The following SLC22A23 variants were observed in gnomAD, a reference collection of about 807,000 sequenced individuals.
SLC22A23 encodes the protein ion transporter protein.
SLC22A23 carries 26 observed loss-of-function variants against 61.0 expected under a neutral mutation model. That is an observed-to-expected ratio of 0.43 (90% CI 0.31 to 0.59). The LOEUF is 0.59. SLC22A23 is among the 20% of genes least tolerant of loss of function. The pLI, the probability that SLC22A23 is intolerant of heterozygous loss-of-function variation, is 0.11. For synonymous variants in SLC22A23, 430 were observed against 413.9 expected (o/e 1.04, Z -0.47); for missense variants, 796 against 934.7 (o/e 0.85, Z 1.94).
chr6:3,428,697 G>T (rs1363369312), intron 1 of SLC22A23, among the ~76,000 whole-genome samples: 1 of 152,078 alleles, frequency 6.6e-6, no homozygotes, highest in Non-Finnish European at 1.5e-5. Context: ...TAAAATTAAC[G>T]ATCCAATAAG....
chr6:3,339,226 C>A (rs1471176491), intron 3 of SLC22A23, among the ~76,000 whole-genome samples: 1 of 152,196 alleles, frequency 6.6e-6, no homozygotes, highest in South Asian at 2.1e-4. Context: ...AAACAGTGTG[C>A]TTTCCCCCAC....
At chr6:3,442,496 G>A (rs772352697) in intron 1 of SLC22A23, among the ~76,000 whole-genome samples, 8 of 152,182 alleles carry the variant, frequency 5.3e-5, no homozygotes, top group African/African-American at 1.9e-4. Context: ...TACTGCAGAC[G>A]CTAAAGTATA....
intron 1 of SLC22A23, among the ~76,000 whole-genome samples, chr6:3,440,681 T>G (rs1427472138): frequency 5.0e-4 from 69 of 138,608 alleles, no homozygotes; most frequent in African/African-American, 1.9e-3. Flanking sequence ...CACTCTAGCC[T>G]GGGCAACAGA....
chr6:3,279,095 T>G (rs1432719349), intron 9 of SLC22A23, among the ~76,000 whole-genome samples: 1 of 152,232 alleles, frequency 6.6e-6, no homozygotes, highest in Non-Finnish European at 1.5e-5. Flanking sequence ...TGCAGATCAT[T>G]AGAAAAATGT....
intron 3 of SLC22A23, among the ~76,000 whole-genome samples, chr6:3,358,750 AAAAAT>A (rs1035332033): frequency 6.6e-6 from 1 of 152,210 alleles, no homozygotes; most frequent in African/African-American, 2.4e-5. Context: ...AATAAAATTA[AAAAAT>A]AAAATAAAAA....
intron 4 of SLC22A23, among the ~76,000 whole-genome samples, chr6:3,321,688 C>T (rs1312712433): frequency 6.6e-6 from 1 of 152,196 alleles, no homozygotes; most frequent in Non-Finnish European, 1.5e-5. Flanking sequence ...GTCAGGTGCA[C>T]TCCTGCCTGG....
rs924079677 is a variant in SLC22A23 at position 3,309,421 on chromosome 6, C to T, written c.1083-11203G>A. 1.3e-5 allele frequency among the ~76,000 whole-genome samples: 2 copies of T among 152,220 alleles called. No homozygotes were observed. Among genetic ancestry groups the T allele is most frequent in the Non-Finnish European group, 2.9e-5 (2 of 68,050 alleles). ...AACACAGACTTGCTTCACAGAGGCGCGCCCAGGGTCTTCAGACAACTGAAT... is the reference window on the plus strand; with the variant it reads ...AACACAGACTTGCTTCACAGAGGCGTGCCCAGGGTCTTCAGACAACTGAAT... On this transcript the variant is annotated intron_variant, in intron 4 of 9. Coordinates refer to ENST00000406686, the MANE Select transcript of SLC22A23 (RefSeq NM_015482.2). This position sits in a 1 kb window ranked among gnomAD's most constrained non-coding sequence, Gnocchi z 4.7.
chr6:3,441,688 C>T (rs763140738), intron 1 of SLC22A23, among the ~76,000 whole-genome samples: 30 of 152,196 alleles, frequency 2.0e-4, no homozygotes, highest in Non-Finnish European at 3.4e-4. Flanking sequence ...CACCTGCCCT[C>T]CTGGGATGTG....
At chr6:3,433,376 A>G (rs1476337034) in intron 1 of SLC22A23, among the ~76,000 whole-genome samples, 1 of 151,810 alleles carries the variant, frequency 6.6e-6, no homozygotes, top group Non-Finnish European at 1.5e-5. Context: ...AGGGGCCACA[A>G]CTCTCTAGGG....
At chr6:3,345,762 T>C (rs1764399457) in intron 3 of SLC22A23, among the ~76,000 whole-genome samples, 1 of 152,216 alleles carries the variant, frequency 6.6e-6, no homozygotes, top group Admixed American at 6.5e-5. Context: ...GATGGTCAAA[T>C]GCTTGTTGAC....
intron 4 of SLC22A23, among the ~76,000 whole-genome samples, chr6:3,300,558 C>A (rs564098133): frequency 1.3e-5 from 2 of 152,220 alleles, no homozygotes; most frequent in African/African-American, 4.8e-5. Flanking sequence ...TCTGCTGGTG[C>A]CTTAATCCTG....
chr6:3,374,579 G>A (rs1344968512), intron 3 of SLC22A23, among the ~76,000 whole-genome samples: 1 of 152,216 alleles, frequency 6.6e-6, no homozygotes, highest in East Asian at 1.9e-4. Context: ...AAACTATGAT[G>A]ACCCTTAAGT....
intron 1 of SLC22A23, among the ~76,000 whole-genome samples, chr6:3,433,535 C>T (rs778912971): frequency 6.6e-6 from 1 of 152,234 alleles, no homozygotes; most frequent in Non-Finnish European, 1.5e-5. Context: ...TGCCCTGATT[C>T]TGCCAATCAA....
Position 3,328,057 on chromosome 6 carries a change from G to A in SLC22A23, c.914-4055C>T, listed in dbSNP as rs1206882175. 6.6e-6 allele frequency among the ~76,000 whole-genome samples: 1 copy of A among 151,788 alleles called. No homozygotes were observed. The highest frequency in any genetic ancestry group is 1.9e-4 in the East Asian group (1 of 5,190). ...GCCAAGTCGCTCATTGGTCTCATTC[G>A]ACATGGTGAGATCCTGTCTCTAAAA... On this transcript the variant is annotated intron_variant, in intron 3 of 9. Coordinates refer to ENST00000406686, the MANE Select transcript of SLC22A23 (RefSeq NM_015482.2). The surrounding 1 kb of genome is among the most constrained non-coding windows in gnomAD (Gnocchi z 5.0).
chr6:3,339,102 T>C (rs539292473), intron 3 of SLC22A23, among the ~76,000 whole-genome samples: 19 of 152,336 alleles, frequency 1.2e-4, no homozygotes, highest in African/African-American at 4.3e-4. Context: ...ATTTCTTAAG[T>C]GATGCAATAG....
At chr6:3,302,729 T>G (rs1761702089) in intron 4 of SLC22A23, 1 of 152,258 alleles carries the variant, frequency 6.6e-6, no homozygotes, top group African/African-American at 2.4e-5. Flanking sequence ...TTTCCATGTA[T>G]TTGTACGTTT....
intron 4 of SLC22A23, among the ~76,000 whole-genome samples, chr6:3,323,060 T>TAA (rs143928340): frequency 1.3e-5 from 2 of 151,680 alleles, no homozygotes; most frequent in Non-Finnish European, 2.9e-5. Context: ...GGAGAGTTTT[T>TAA]TAAAAAACCC....
At chr6:3,378,657 C>CTTTTT (rs574704294) in intron 3 of SLC22A23, among the ~76,000 whole-genome samples, 1 of 119,056 alleles carries the variant, frequency 8.4e-6, no homozygotes. Flanking sequence ...TTTCTTTTTT[C>CTTTTT]TTTTTTTTTT....
chr6:3,317,683 T>A lies in SLC22A23; in HGVS notation c.1082+6151A>T, dbSNP rs1238949783. ...CTAAAGATGCATTTCTCTTCAGGCA[T>A]CTGCGTCCATCAGTGCAATCACCCA... On this transcript the variant is annotated intron_variant, in intron 4 of 9. Coordinates refer to ENST00000406686, the MANE Select transcript of SLC22A23 (RefSeq NM_015482.2). This position sits in a 1 kb window ranked among gnomAD's most constrained non-coding sequence, Gnocchi z 4.4. Among the ~76,000 whole-genome samples the A allele has an allele frequency of 6.6e-6, 1 of 152,192 alleles. No individual in the cohort carries two copies. The highest frequency in any genetic ancestry group is 2.4e-5 in the African/African-American group (1 of 41,448).
Sources: gnomAD v4.1 joint callset for allele counts (sites outside exome capture counted in the v4.1 genomes callset) on GRCh38, gnomAD v4.1.1 for gene constraint, Gnocchi (gnomAD v3.1) non-coding constraint, MANE v1.5 for transcripts, NCBI Gene and HGNC (gene_info 2026-07-23, HGNC 2026-07-21) for gene names.